The following PTDSS2 variants were observed in gnomAD, a reference collection of about 807,000 sequenced individuals.
The protein encoded by PTDSS2 is phosphatidylserine synthase 2.
Under a neutral mutation model 64.7 loss-of-function variants are expected in PTDSS2, and 41 were observed. The ratio of observed to expected loss-of-function variants is 0.63; its 90% CI spans 0.49 to 0.82. The LOEUF is 0.82. Ranked by LOEUF, PTDSS2 falls within the 40% of genes least tolerant of loss-of-function variation. PTDSS2 has a pLI of 0.00. For missense variants in PTDSS2, 485 were observed against 650.0 expected (o/e 0.75, Z 2.76); for synonymous variants, 297 against 277.8 (o/e 1.07, Z -0.69).
At position 470,296 on chromosome 11, in the gene PTDSS2, G is replaced by C. The variant is rs190536141; in HGVS notation, c.285-3599G>C. On this transcript the variant is annotated intron_variant, in intron 2 of 11. Transcript: ENST00000308020. This position sits in a 1 kb window ranked among gnomAD's most constrained non-coding sequence, Gnocchi z 5.3. The stretch of plus-strand genomic sequence containing the variant: ...GCTGCCCCATCCTCCCAACCCCGAC[G>C]ACCCCAGCCCGGCCATGCAGAGGCA... Among the ~76,000 whole-genome samples the C allele has an allele frequency of 2.2e-3, 335 of 152,256 alleles. 1 individual carries two copies. Among genetic ancestry groups the C allele is most frequent in the African/African-American group, 7.4e-3 (307 of 41,536 alleles).
intron 1 of PTDSS2, among the ~76,000 whole-genome samples, chr11:454,386 G>A (rs1415886351): frequency 2.0e-5 from 3 of 152,184 alleles, no homozygotes; most frequent in Non-Finnish European, 4.4e-5. Flanking sequence ...GGTAATCTCT[G>A]TGTTTTGGGG....
chr11:465,566 T>C (rs1227425241), intron 2 of PTDSS2, among the ~76,000 whole-genome samples: 1 of 152,216 alleles, frequency 6.6e-6, no homozygotes, highest in Admixed American at 6.5e-5. Flanking sequence ...TTGGGTTTGG[T>C]GATAATAAAA....
chr11:449,216 C>T (rs1396399792), upstream of PTDSS2, among the ~76,000 whole-genome samples: 2 of 152,166 alleles, frequency 1.3e-5, no homozygotes, highest in South Asian at 2.1e-4. Context: ...TACAAGCGCC[C>T]GCCACAATGC....
chr11:464,138 A>G (rs954688914), intron 2 of PTDSS2, among the ~76,000 whole-genome samples: 8 of 151,526 alleles, frequency 5.3e-5, no homozygotes, highest in African/African-American at 1.9e-4. Context: ...GTGCACCGCC[A>G]CGCCCCACTA....
In PTDSS2 at chr11:490,653, C is replaced by T. The variant is rs1052470181; in HGVS notation, c.*71C>T. 5.6e-6 allele frequency: 8 copies of T among 1,439,088 alleles called. No individual in the cohort carries two copies. In the African/African-American group the frequency reaches 9.9e-5, roughly 18 times the overall value. The allele number at this position is 1,439,088 out of a possible 1,614,324, so 89.1% of individuals were successfully genotyped here. ...GTGGCCTCCTCCTGTGTGAGTCCCA[C>T]CAGGAGCCACGTGCCCGGCCTTGCC... is the stretch of plus-strand genomic sequence containing the variant. On this transcript the variant is annotated 3_prime_UTR_variant, in exon 12 of 12. Transcript: ENST00000308020.
intron 2 of PTDSS2, among the ~76,000 whole-genome samples, chr11:471,221 G>A (rs1041245412): frequency 4.0e-5 from 6 of 149,878 alleles, no homozygotes; most frequent in Non-Finnish European, 8.9e-5. Context: ...TCAGCCTCCC[G>A]AGTAGCTGGG....
intron 2 of PTDSS2, among the ~76,000 whole-genome samples, chr11:467,284 C>T (rs1847187519): frequency 6.6e-6 from 1 of 152,148 alleles, no homozygotes; most frequent in Non-Finnish European, 1.5e-5. Context: ...TACCCAGCAT[C>T]ATTTGTCCTT....
chr11:461,828 G>A lies in PTDSS2; in HGVS notation c.284+1540G>A, dbSNP rs998005436. On this transcript the variant is annotated intron_variant, in intron 2 of 11. Coordinates refer to ENST00000308020, the MANE Select transcript of PTDSS2 (RefSeq NM_030783.3). The surrounding 1 kb of genome is among the most constrained non-coding windows in gnomAD (Gnocchi z 4.2). ...AAATAGATGAGGGAGCATGTGCCGT[G>A]CCTGGGGCCCCTGTGGAGGGGCCAC... 6.6e-6 allele frequency among the ~76,000 whole-genome samples: 1 copy of A among 152,216 alleles called. No individual in the cohort carries two copies. Among genetic ancestry groups the A allele is most frequent in the African/African-American group, 2.4e-5 (1 of 41,450 alleles).
Position 484,451 on chromosome 11 carries a change from C to T in PTDSS2, c.436-2488C>T, listed in dbSNP as rs541022322. 8.5e-5 allele frequency among the ~76,000 whole-genome samples: 13 copies of T among 152,342 alleles called. No individual in the cohort carries two copies. The South Asian group carries it at 2.5e-3, about 29-fold the overall frequency. On this transcript the variant is annotated intron_variant, in intron 4 of 11. Transcript: ENST00000308020. ...CCTGGGTGCCATAGCTCACAGAGGACGGGCATGTGTGCACTCACTGTGTGT... is the reference window on the plus strand; with the variant it reads ...CCTGGGTGCCATAGCTCACAGAGGATGGGCATGTGTGCACTCACTGTGTGT...
intron 11 of PTDSS2, 144 bp from the exon 12 acceptor site, chr11:490,276 C>A: frequency 8.0e-7 from 1 of 1,252,786 alleles, no homozygotes; most frequent in Non-Finnish European, 1.1e-6. Context: ...CTCCAGTCTG[C>A]CACGGCTGCC....
At chr11:474,094 CG>C (rs1847606404) in intron 3 of PTDSS2, 117 bp downstream of exon 3, 3 of 815,142 alleles carry the variant, frequency 3.7e-6, no homozygotes, top group Admixed American at 1.8e-5. Context: ...GGCCCCTCCC[CG>C]AGGCCTCCGA....
intron 11 of PTDSS2, 96 bp from the exon 12 acceptor site, chr11:490,324 T>G: frequency 6.4e-7 from 1 of 1,553,040 alleles, no homozygotes; most frequent in Non-Finnish European, 8.9e-7. Flanking sequence ...ACCCAGTCCA[T>G]TCCGGACCTC....
Position 488,192 on chromosome 11 carries a change from C to G in PTDSS2, c.622-7C>G, listed in dbSNP as rs1284884796. 4.4e-6 allele frequency: 7 copies of G among 1,606,676 alleles called. No individual in the cohort carries two copies. The highest frequency in any genetic ancestry group is 5.1e-6 in the Non-Finnish European group (6 of 1,174,102). ...TCCCATACTCTGGCTGACCCTGGCG[C>G]CCACAGACCCTGATGATCCGAGACT... On this transcript the variant is annotated splice_polypyrimidine_tract_variant and splice_region_variant and intron_variant, in intron 6 of 11. Transcript: ENST00000308020.
intron 4 of PTDSS2, among the ~76,000 whole-genome samples, chr11:484,317 C>T (rs1848199925): frequency 1.3e-5 from 2 of 152,224 alleles, no homozygotes; most frequent in Admixed American, 1.3e-4. Flanking sequence ...CTCCAGGCTC[C>T]TCCTGTCCAC....
chr11:489,379 T>C lies in PTDSS2; in HGVS notation c.855-21T>C, dbSNP rs374580098. ...GTTCGGTGGGCTGCCTTCCTCAGGC[T>C]GCCGGCTCTGTGGTTCCCAGGGGCA... On this transcript the variant is annotated intron_variant, in intron 8 of 11. Transcript: ENST00000308020. The C allele has an allele frequency of 7.5e-6, 12 of 1,602,252 alleles. No individual in the cohort carries two copies. The African/African-American group carries it at 9.4e-5, about 13-fold the overall frequency.
At chr11:483,521 GAA>G (rs1848159939) in intron 4 of PTDSS2, among the ~76,000 whole-genome samples, 2 of 152,232 alleles carry the variant, frequency 1.3e-5, no homozygotes, top group South Asian at 4.1e-4. Context: ...TTTTTATCAT[GAA>G]AAGTTGTTAG....
rs1374879149 is a variant in PTDSS2, at chr11:490,007, C to T, written c.1240C>T (p.Gln414Ter). The change falls in exon 11 of 12, where the codon CAG (glutamine) becomes TAG (stop). Residue 414 changes from glutamine to a stop codon, truncating the protein, a stop_gained. Coordinates refer to ENST00000308020, the MANE Select transcript of PTDSS2 (RefSeq NM_030783.3). LOFTEE classifies it high-confidence loss of function. Reference sequence around the variant, plus strand: ...CCTGTCCCTGCCCTTCTACATCTCCCAGTGCTGGACCCTCGGCTCCGTCCT... The same window carrying T: ...CCTGTCCCTGCCCTTCTACATCTCCTAGTGCTGGACCCTCGGCTCCGTCCT... ...LTLSLPFYIS[Q>*]CWTLGSVLAL... The T allele has an allele frequency of 6.2e-7, 1 of 1,611,950 alleles. No individual in the cohort carries two copies. Among genetic ancestry groups the T allele is most frequent in the Admixed American group, 1.7e-5 (1 of 60,004 alleles).
chr11:474,176 GTC>G (rs1847610910), intron 3 of PTDSS2, among the ~76,000 whole-genome samples, 199 bp downstream of exon 3: 1 of 152,214 alleles, frequency 6.6e-6, no homozygotes, highest in Non-Finnish European at 1.5e-5. Context: ...ACCACCGAGG[GTC>G]TCTCCAGGCC....
At chr11:450,800 G>A (rs1846284111) in intron 1 of PTDSS2, among the ~76,000 whole-genome samples, 163 bp downstream of exon 1, 1 of 152,098 alleles carries the variant, frequency 6.6e-6, no homozygotes, top group Admixed American at 6.5e-5. Context: ...GGGTCCCGGG[G>A]AGCGGCCGGA....
Sources: gnomAD v4.1 joint callset for allele counts (sites outside exome capture counted in the v4.1 genomes callset) on GRCh38, gnomAD v4.1.1 for gene constraint, Gnocchi (gnomAD v3.1) non-coding constraint, MANE v1.5 for transcripts, NCBI Gene and HGNC (gene_info 2026-07-23, HGNC 2026-07-21) for gene names.